The following B3GALNT2 variants were observed in gnomAD, a reference collection of about 807,000 sequenced individuals.
The protein encoded by B3GALNT2 is beta-1,3-N-acetylgalactosaminyltransferase 2, also known as UDP-GalNAc:beta-1,3-N-acetylgalactosaminyltransferase 2.
In B3GALNT2, 53 loss-of-function variants were observed where a neutral mutation model predicts 61.1. The observed-to-expected ratio is 0.87, with a 90% CI of 0.70 to 1.09. The LOEUF is 1.09. Ranked by LOEUF, B3GALNT2 falls within the 50% of genes least tolerant of loss-of-function variation. The pLI, the probability that B3GALNT2 is intolerant of heterozygous loss-of-function variation, is 0.00. For synonymous variants in B3GALNT2, 223 were observed against 237.4 expected (o/e 0.94, Z 0.56); for missense variants, 544 against 623.0 (o/e 0.87, Z 1.35).
chr1:235,497,632 T>C (rs1001694385), intron 1 of B3GALNT2, among the ~76,000 whole-genome samples: 1 of 152,216 alleles, frequency 6.6e-6, no homozygotes, highest in Non-Finnish European at 1.5e-5. Context: ...CTTTTAGAAA[T>C]AGATTACATA....
At chr1:235,478,355 C>T (rs764708096) in intron 5 of B3GALNT2, among the ~76,000 whole-genome samples, 1 of 152,062 alleles carries the variant, frequency 6.6e-6, no homozygotes, top group Non-Finnish European at 1.5e-5. Context: ...CCGACCTGAA[C>T]CACCATTCCT....
chr1:235,455,125 TTTATTA>T (rs915440002), intron 9 of B3GALNT2, among the ~76,000 whole-genome samples: 13 of 147,696 alleles, frequency 8.8e-5, no homozygotes, highest in South Asian at 8.5e-4. Context: ...TAATATAAAA[TTTATTA>T]TTATTATTAA....
chr1:235,489,357 G>A (rs375325590), intron 2 of B3GALNT2, 89 bp from the exon 3 acceptor site: 6 of 1,557,706 alleles, frequency 3.9e-6, no homozygotes, highest in Middle Eastern at 1.7e-4. Flanking sequence ...CTTTTACTTT[G>A]AGACACAAGT....
At chr1:235,481,646 T>C (rs1187049182) in intron 4 of B3GALNT2, among the ~76,000 whole-genome samples, 6 of 152,148 alleles carry the variant, frequency 3.9e-5, no homozygotes, top group African/African-American at 7.2e-5. Context: ...GCCTGGCTGA[T>C]AGTTTTTTTT....
the B3GALNT2 span, among the ~76,000 whole-genome samples, chr1:235,440,257 A>C: frequency 6.6e-6 from 1 of 152,150 alleles, no homozygotes; most frequent in Non-Finnish European, 1.5e-5. Context: ...GGCGTGAGCC[A>C]CCGCGCCCAG....
At chr1:235,457,172 T>G (rs898021742) in intron 8 of B3GALNT2, among the ~76,000 whole-genome samples, 1 of 152,054 alleles carries the variant, frequency 6.6e-6, no homozygotes, top group Non-Finnish European at 1.5e-5. Flanking sequence ...TTACCTTCCA[T>G]AAACCAATTA....
In B3GALNT2 at chr1:235,448,007, A is replaced by T. The variant is rs556462897; in HGVS notation, c.*2199T>A. Among the ~76,000 whole-genome samples the T allele has an allele frequency of 6.6e-6, 1 of 151,986 alleles. No homozygotes were observed. The highest frequency in any genetic ancestry group is 1.5e-5 in the Non-Finnish European group (1 of 67,990). On this transcript the variant is annotated 3_prime_UTR_variant, in exon 12 of 12. Coordinates refer to ENST00000366600, the MANE Select transcript of B3GALNT2 (RefSeq NM_152490.5). ...GGGCGGATCACGAGGTCAGGAGTTC[A>T]AGACCAGCCTGGCCAACATGGTGAA...
At position 235,458,743 on chromosome 1, in the gene B3GALNT2, T is replaced by G; in HGVS notation, c.885A>C (p.Arg295Ser). The G allele has an allele frequency of 6.2e-7, 1 of 1,606,782 alleles. No individual in the cohort carries two copies. Among genetic ancestry groups the G allele is most frequent in the Non-Finnish European group, 8.5e-7 (1 of 1,177,910 alleles). The change falls in exon 8 of 12, where the codon AGA (arginine) becomes AGC (serine). Residue 295 changes from arginine to serine, a missense_variant. Arg to Ser is a moderately radical substitution (Grantham distance 110). Coordinates refer to ENST00000366600, the MANE Select transcript of B3GALNT2 (RefSeq NM_152490.5). ...GGAGATTCCTTATATGATCAATAAG[T>G]CTTTGAGGGCGAGAATGAAGGTTGT... ...LLHNLHSRPQ[R>S]LIDHIRNLHE...
At position 235,458,714 on chromosome 1, in the gene B3GALNT2, T is replaced by C; in HGVS notation, c.914A>G (p.Glu305Gly). The stretch of plus-strand genomic sequence containing the variant: ...TTCCTCCTTCAGTAAGGCATCTTCC[T>C]CATGGAGATTCCTTATATGATCAAT... ...RLIDHIRNLHEEDALLKEESS... is the reference protein window; with the variant it reads ...RLIDHIRNLHGEDALLKEESS... The change falls in exon 8 of 12, where the codon GAG (glutamate) becomes GGG (glycine). Residue 305 changes from glutamate to glycine, a missense_variant. Physicochemically the swap from Glu to Gly is moderately conservative, Grantham distance 98 (BLOSUM62 -2). Coordinates refer to ENST00000366600, the MANE Select transcript of B3GALNT2 (RefSeq NM_152490.5). 1 of 1,613,448 alleles carries C rather than the reference T, an allele frequency of 6.2e-7. No individual in the cohort carries two copies. The highest frequency in any genetic ancestry group is 8.5e-7 in the Non-Finnish European group (1 of 1,179,740).
Position 235,494,793 on chromosome 1 carries a change from G to T in B3GALNT2, c.148C>A (p.His50Asn). The change falls in exon 2 of 12, where the codon CAC becomes AAC. Residue 50 changes from histidine (H) to asparagine (N), a missense_variant. Coordinates refer to ENST00000366600, the MANE Select transcript of B3GALNT2 (RefSeq NM_152490.5). ...AACACGCCAACTACCACATCATAGT[G>T]AGTAGATTTCCACTGAGGAAATAAG... ...LALFPQWKST[H>N]YDVVVGVLSA... 1 of 1,611,066 alleles carries T rather than the reference G, an allele frequency of 6.2e-7. No individual in the cohort carries two copies. The highest frequency in any genetic ancestry group is 8.5e-7 in the Non-Finnish European group (1 of 1,177,476).
chr1:235,499,423 C>A (rs1685487129), intron 1 of B3GALNT2, among the ~76,000 whole-genome samples: 2 of 152,150 alleles, frequency 1.3e-5, no homozygotes, highest in African/African-American at 2.4e-5. Context: ...CAGTTTTATT[C>A]TCTTGATTTA....
At chr1:235,471,896 C>G (rs1371545893) in intron 5 of B3GALNT2, among the ~76,000 whole-genome samples, 1 of 151,848 alleles carries the variant, frequency 6.6e-6, no homozygotes, top group East Asian at 1.9e-4. Flanking sequence ...CTCCTGACCT[C>G]AAGTGATCTG....
At chr1:235,451,348 C>T (rs1444857446) in intron 11 of B3GALNT2, 1 of 151,672 alleles carries the variant, frequency 6.6e-6, no homozygotes, top group Non-Finnish European at 1.5e-5. Context: ...AGCCAAAAAT[C>T]TGAAGTATTC....
Position 235,448,336 on chromosome 1 carries a change from T to C in B3GALNT2, c.*1870A>G. 1 of 1,613,476 alleles carries C rather than the reference T, an allele frequency of 6.2e-7. No individual in the cohort carries two copies. Among genetic ancestry groups the C allele is most frequent in the Non-Finnish European group, 8.5e-7 (1 of 1,179,400 alleles). On this transcript the variant is annotated 3_prime_UTR_variant, in exon 12 of 12. Transcript: ENST00000366600. Reference sequence around the variant, plus strand: ...TTTGAGAGAACGAATGGACTTTTCTTGTCTTTTGATAGGCTCCATGACAAT... The same window carrying C: ...TTTGAGAGAACGAATGGACTTTTCTCGTCTTTTGATAGGCTCCATGACAAT...
intron 4 of B3GALNT2, among the ~76,000 whole-genome samples, chr1:235,481,736 C>CA (rs1157053988): frequency 6.6e-6 from 1 of 152,078 alleles, no homozygotes. Context: ...CAGTGATACT[C>CA]AGAGTACTGC....
chr1:235,479,382 C>G (rs1346387338), intron 5 of B3GALNT2: 1 of 152,240 alleles, frequency 6.6e-6, no homozygotes, highest in Non-Finnish European at 1.5e-5. Flanking sequence ...TCGGCCTAGA[C>G]TAAAACAGCC....
rs551087388 is a variant in B3GALNT2 at position 235,470,100 on chromosome 1, T to C, written c.762+750A>G. Among the ~76,000 whole-genome samples the C allele has an allele frequency of 1.3e-4, 20 of 152,204 alleles. No individual in the cohort carries two copies. In the East Asian group the frequency reaches 3.9e-3, roughly 30 times the overall value. The stretch of plus-strand genomic sequence containing the variant: ...TTTTAGTACAGATGGGGTCTTGCTA[T>C]GTTGCCCAGGCTGGTGTTAAACTCC... On this transcript the variant is annotated intron_variant, in intron 6 of 11. Transcript: ENST00000366600.
At chr1:235,470,666 A>C (rs913192748) in intron 6 of B3GALNT2, among the ~76,000 whole-genome samples, 184 bp downstream of exon 6, 5 of 152,054 alleles carry the variant, frequency 3.3e-5, no homozygotes, top group African/African-American at 1.2e-4. Flanking sequence ...TGCTGGAGTT[A>C]CAGGATCATA....
intron 1 of B3GALNT2, 121 bp downstream of exon 1, chr1:235,504,020 T>C (rs1313070009): frequency 9.3e-7 from 1 of 1,070,452 alleles, no homozygotes; most frequent in East Asian, 3.7e-5. Context: ...TTGTTTCGTC[T>C]GGGGACCGTC....
Sources: gnomAD v4.1 joint callset for allele counts (sites outside exome capture counted in the v4.1 genomes callset) on GRCh38, gnomAD v4.1.1 for gene constraint, MANE v1.5 for transcripts, NCBI Gene and HGNC (gene_info 2026-07-23, HGNC 2026-07-21) for gene names.